Variants in TBCD observed in about 807,000 individuals in gnomAD.
TBCD encodes tubulin folding cofactor D, also known as tubulin-specific chaperone D.
TBCD carries 105 observed loss-of-function variants against 169.3 expected under a neutral mutation model. That is an observed-to-expected ratio of 0.62 (90% CI 0.53 to 0.73). The LOEUF (loss-of-function observed/expected upper bound fraction) is 0.73, where lower values mean the gene tolerates loss of function less well. Among genes scored for constraint, TBCD ranks in the 30% least tolerant of loss-of-function variants. The pLI is 0.00. For synonymous variants in TBCD, 700 were observed against 643.9 expected, an observed-to-expected ratio of 1.09 and a Z score of -1.32; for missense variants, 1,444 against 1,600.1, an observed-to-expected ratio of 0.90 and a Z score of 1.66.
intron 7 of TBCD, among the ~76,000 whole-genome samples, chr17:82,791,530 C>G (rs1312118734): frequency 6.6e-6 from 1 of 152,118 alleles, no homozygotes; most frequent in East Asian, 1.9e-4. Flanking sequence ...GGGGCACACC[C>G]CAGAGGTGGT....
chr17:82,855,253 T>A (rs1598960734), intron 13 of TBCD, among the ~76,000 whole-genome samples: 3 of 129,212 alleles, frequency 2.3e-5, no homozygotes, highest in African/African-American at 6.8e-5. Flanking sequence ...TTTTTTTTTT[T>A]TTTTTTTTTT....
Position 82,768,474 on chromosome 17 carries a change from C to G in TBCD, c.490C>G (p.Pro164Ala). The G allele has an allele frequency of 6.2e-7, 1 of 1,613,852 alleles. No homozygotes were observed. The highest frequency in any genetic ancestry group is 8.5e-7 in the Non-Finnish European group (1 of 1,179,864). ...CTGGCTCTCCGTGACCTGCCTGATC[C>G]CTTTTGATTTTTCTCGCCTTGACGG... is the stretch of plus-strand genomic sequence containing the variant. ...LLWLSVTCLI[P>A]FDFSRLDGNL... is the part of the protein sequence containing the mutation. Residue 164 changes from proline to alanine, a missense_variant, in exon 5 of 39, where the codon CCT (proline) becomes GCT (alanine). Transcript: ENST00000355528.
chr17:82,801,726 G>A (rs1320301609), intron 9 of TBCD, among the ~76,000 whole-genome samples: 2 of 141,568 alleles, frequency 1.4e-5, no homozygotes, highest in South Asian at 2.4e-4. Flanking sequence ...CAGCGTGGCA[G>A]GAGGGTGACG....
intron 13 of TBCD, among the ~76,000 whole-genome samples, chr17:82,841,066 C>T (rs2054480653): frequency 6.7e-6 from 1 of 148,610 alleles, no homozygotes; most frequent in African/African-American, 2.5e-5. Flanking sequence ...CCTCAGCCTC[C>T]CGAGTAGCTG....
chr17:82,874,493 G>A lies in TBCD; in HGVS notation c.1475+4113G>A, dbSNP rs78455825. Among the ~76,000 whole-genome samples, 485 of 152,242 alleles carry A rather than the reference G, an allele frequency of 3.2e-3. 5 individuals carry two copies. The highest frequency in any genetic ancestry group is 8.1e-3 in the South Asian group (39 of 4,824). On this transcript the variant is annotated intron_variant, in intron 14 of 38. Transcript: ENST00000355528. This position sits in a 1 kb window ranked among gnomAD's most constrained non-coding sequence, Gnocchi z 5.0. ...GGGGCCTCAGGGCTCGCAGCTCACA[G>A]GCTTCTGACGCCTCAGCCTGGAGCT...
chr17:82,898,876 C>T (rs376834530), intron 17 of TBCD, among the ~76,000 whole-genome samples: 3 of 152,224 alleles, frequency 2.0e-5, no homozygotes, highest in African/African-American at 7.2e-5. Context: ...ATGGAGTGGA[C>T]GGTTGTGGAG....
rs748947852 is a variant in TBCD, at chr17:82,927,326, A to G, written c.2609+3A>G. 2.5e-6 allele frequency: 4 copies of G among 1,613,590 alleles called. No homozygotes were observed. In the South Asian group the frequency reaches 3.3e-5, roughly 13 times the overall value. On this transcript the variant is annotated splice_donor_region_variant and intron_variant, in intron 29 of 38. Coordinates refer to ENST00000355528, the MANE Select transcript of TBCD (RefSeq NM_005993.5). ...AGCAGAGGGGACGTGGGCACCTGGT[A>G]CGTACGTAGCAGTGGGTGAGCGCTT...
At position 82,834,936 on chromosome 17, in the gene TBCD, G is replaced by A. The variant is rs144416256; in HGVS notation, c.1318+20002G>A. ...TGGAGGGCTGGGGGCCGTGGCTCATGCCTGTAATCCCAGCACTTTGGGAGG... is the reference window on the plus strand; with the variant it reads ...TGGAGGGCTGGGGGCCGTGGCTCATACCTGTAATCCCAGCACTTTGGGAGG... On this transcript the variant is annotated intron_variant, in intron 13 of 38. Coordinates refer to ENST00000355528, the MANE Select transcript of TBCD (RefSeq NM_005993.5). Among the ~76,000 whole-genome samples, 282 of 152,154 alleles carry A rather than the reference G, an allele frequency of 1.9e-3. 2 individuals are homozygous for A. Among genetic ancestry groups the A allele is most frequent in the African/African-American group, 6.0e-3 (251 of 41,500 alleles).
At chr17:82,803,533 C>G (rs938315360) in intron 9 of TBCD, among the ~76,000 whole-genome samples, 1 of 152,238 alleles carries the variant, frequency 6.6e-6, no homozygotes, top group African/African-American at 2.4e-5. Context: ...TCCTCTCCCC[C>G]ACATATGAGC....
At chr17:82,877,996 G>A (rs2058086058) in intron 14 of TBCD, among the ~76,000 whole-genome samples, 1 of 152,176 alleles carries the variant, frequency 6.6e-6, no homozygotes, top group Non-Finnish European at 1.5e-5. Flanking sequence ...ATAATTAGTT[G>A]CTTTCCAAAA....
chr17:82,918,206 CAT>C (rs1235424572), intron 23 of TBCD: 1 of 152,502 alleles, frequency 6.6e-6, no homozygotes, highest in Non-Finnish European at 1.5e-5. Context: ...TTCGTGGCTT[CAT>C]GTGTGTGTGG....
chr17:82,872,948 G>A (rs911702543), intron 14 of TBCD, among the ~76,000 whole-genome samples: 1 of 131,342 alleles, frequency 7.6e-6, no homozygotes, highest in Admixed American at 7.1e-5. Flanking sequence ...GCCAGGCCCG[G>A]CACCTCGTGG....
chr17:82,924,507 C>T (rs747266945), intron 26 of TBCD, among the ~76,000 whole-genome samples: 1 of 152,190 alleles, frequency 6.6e-6, no homozygotes, highest in Non-Finnish European at 1.5e-5. Context: ...GTGTCACATG[C>T]ACATATGTTG....
At chr17:82,804,586 G>A (rs921890677) in intron 9 of TBCD, among the ~76,000 whole-genome samples, 27 of 152,332 alleles carry the variant, frequency 1.8e-4, no homozygotes, top group South Asian at 4.1e-4. Flanking sequence ...GTCGGGACCC[G>A]GTGCCTTGTG....
intron 13 of TBCD, among the ~76,000 whole-genome samples, chr17:82,856,738 G>A (rs989048459): frequency 6.7e-6 from 1 of 148,906 alleles, no homozygotes; most frequent in Non-Finnish European, 1.5e-5. Flanking sequence ...GCTGGACCGC[G>A]TGCGGACCCT....
chr17:82,761,170 G>A (rs959468723), intron 2 of TBCD, among the ~76,000 whole-genome samples: 1 of 152,090 alleles, frequency 6.6e-6, no homozygotes, highest in Admixed American at 6.5e-5. Context: ...CACCATGATG[G>A]CCAGGCTTGT....
intron 13 of TBCD, among the ~76,000 whole-genome samples, chr17:82,858,831 C>G (rs1197612151): frequency 6.6e-6 from 1 of 152,174 alleles, no homozygotes; most frequent in Admixed American, 6.5e-5. Context: ...GGGTGCGGCT[C>G]GTGGGTGGCT....
At chr17:82,797,856 C>A in intron 8 of TBCD, 54 bp downstream of exon 8, 1 of 1,271,026 alleles carries the variant, frequency 7.9e-7, no homozygotes, top group Non-Finnish European at 1.1e-6. Context: ...TGCTCATATA[C>A]AATCAAGTGT....
intron 13 of TBCD, among the ~76,000 whole-genome samples, chr17:82,825,324 G>C (rs558768560): frequency 6.6e-6 from 1 of 152,168 alleles, no homozygotes; most frequent in African/African-American, 2.4e-5. Context: ...TCTGCAGGGT[G>C]TGAGGCTTTG....
Sources: allele counts gnomAD v4.1 joint callset (sites outside exome capture counted in the v4.1 genomes callset), GRCh38; gene constraint gnomAD v4.1.1; non-coding constraint Gnocchi (gnomAD v3.1); transcripts MANE v1.5; gene names NCBI Gene and HGNC (gene_info 2026-07-23, HGNC 2026-07-21).